CTNNA3: variants seen among roughly 807,000 people sequenced by gnomAD.
CTNNA3 encodes the protein catenin alpha-3.
CTNNA3 carries 76 observed loss-of-function variants against 95.7 expected under a neutral mutation model. The observed-to-expected ratio is 0.79, with a 90% CI of 0.66 to 0.96. CTNNA3 has a LOEUF of 0.96. CTNNA3 is among the 40% of genes least tolerant of loss of function. The pLI is 0.00. For missense variants in CTNNA3, 1,191 were observed against 1,089.8 expected, an observed-to-expected ratio of 1.09 and a Z score of -1.31; for synonymous variants, 431 against 374.4, an observed-to-expected ratio of 1.15 and a Z score of -1.74.
chr10:66,418,718 G>A (rs548150054), intron 11 of CTNNA3, among the ~76,000 whole-genome samples: 1 of 152,068 alleles, frequency 6.6e-6, no homozygotes, highest in African/African-American at 2.4e-5. Flanking sequence ...ACACAAGGAT[G>A]TTCAAGATAT....
At chr10:67,229,736 T>G (rs1310183002) in intron 5 of CTNNA3, among the ~76,000 whole-genome samples, 2 of 151,654 alleles carry the variant, frequency 1.3e-5, no homozygotes, top group Non-Finnish European at 2.9e-5. Context: ...AAAAATAAAA[T>G]AAAATAAAAT....
intron 7 of CTNNA3, among the ~76,000 whole-genome samples, chr10:66,845,723 A>AC (rs1564719878): frequency 3.5e-5 from 3 of 86,412 alleles, no homozygotes; most frequent in Non-Finnish European, 5.3e-5. Context: ...AAAAAAAAAA[A>AC]AAAAAACTAA....
chr10:66,233,535 A>C (rs1262707427), intron 13 of CTNNA3, among the ~76,000 whole-genome samples: 1 of 152,162 alleles, frequency 6.6e-6, no homozygotes, highest in African/African-American at 2.4e-5. Context: ...CAAAATAGAA[A>C]TTTACATGAT....
At chr10:66,406,579 C>G (rs16923011) in intron 11 of CTNNA3, among the ~76,000 whole-genome samples, 19,638 of 152,054 alleles carry the variant, frequency 0.13, 1,694 homozygotes, top group African/African-American at 0.24. Context: ...CCAAGGAATT[C>G]TTCATATATT....
chr10:67,054,116 T>C (rs1259534156), intron 7 of CTNNA3, among the ~76,000 whole-genome samples: 5 of 152,142 alleles, frequency 3.3e-5, no homozygotes, highest in Non-Finnish European at 7.4e-5. Context: ...ATCGCTCCTT[T>C]ATAATTCCAC....
At chr10:66,199,585 A>T (rs188817131) in intron 13 of CTNNA3, among the ~76,000 whole-genome samples, 71 of 150,350 alleles carry the variant, frequency 4.7e-4, no homozygotes, top group African/African-American at 1.4e-3. Flanking sequence ...CAGACCAAAT[A>T]GTTTGTTTGT....
chr10:67,748,065 A>C (rs894715243), intron 1 of CTNNA3, among the ~76,000 whole-genome samples: 1 of 152,208 alleles, frequency 6.6e-6, no homozygotes, highest in South Asian at 2.1e-4. Flanking sequence ...AAAGAGAATG[A>C]AAAGGAACAA....
chr10:66,683,534 T>C (rs1847141757), intron 9 of CTNNA3, among the ~76,000 whole-genome samples: 1 of 152,142 alleles, frequency 6.6e-6, no homozygotes, highest in East Asian at 1.9e-4. Flanking sequence ...GCTTCAGTAG[T>C]AGCAAAGTGA....
intron 7 of CTNNA3, among the ~76,000 whole-genome samples, chr10:67,078,547 C>T (rs574651897): frequency 5.3e-4 from 81 of 152,010 alleles, no homozygotes; most frequent in Middle Eastern, 6.8e-3. Flanking sequence ...GAAGGAGTCT[C>T]GCTCTGTCGC....
chr10:67,257,211 G>T (rs1866388393), intron 5 of CTNNA3, among the ~76,000 whole-genome samples: 1 of 152,168 alleles, frequency 6.6e-6, no homozygotes. Flanking sequence ...AGAGATAATT[G>T]CATAGCTATA....
chr10:67,154,149 A>G (rs145451088), intron 7 of CTNNA3, among the ~76,000 whole-genome samples: 4,611 of 152,278 alleles, frequency 0.03, 135 homozygotes, highest in South Asian at 0.1. Flanking sequence ...GCCTATACAT[A>G]TTATAAGTTA....
chr10:66,254,771 T>G (rs1205435285), intron 13 of CTNNA3, among the ~76,000 whole-genome samples: 1 of 152,222 alleles, frequency 6.6e-6, no homozygotes, highest in African/African-American at 2.4e-5. Flanking sequence ...ACCAATGATC[T>G]TTGGCTGAGG....
intron 11 of CTNNA3, among the ~76,000 whole-genome samples, chr10:66,382,374 G>A (rs905287949): frequency 6.6e-6 from 1 of 152,154 alleles, no homozygotes; most frequent in Non-Finnish European, 1.5e-5. Flanking sequence ...AGCCTGGCTG[G>A]GGAAGGGGAA....
intron 15 of CTNNA3, among the ~76,000 whole-genome samples, chr10:66,021,476 T>C (rs2079206286): frequency 1.0e-5 from 1 of 96,354 alleles, no homozygotes; most frequent in African/African-American, 3.6e-5. Flanking sequence ...TGCAAAGAAT[T>C]TACATTAAAA....
intron 12 of CTNNA3, among the ~76,000 whole-genome samples, chr10:66,321,221 A>G (rs2092180277): frequency 6.6e-6 from 1 of 151,796 alleles, no homozygotes; most frequent in Non-Finnish European, 1.5e-5. Flanking sequence ...TATAGATTTG[A>G]AAAAAAATAG....
intron 17 of CTNNA3, among the ~76,000 whole-genome samples, chr10:65,922,124 C>A (rs770551350): frequency 6.6e-6 from 1 of 152,102 alleles, no homozygotes; most frequent in African/African-American, 2.4e-5. Context: ...TTCTACCTTG[C>A]GTTTTTTCTC....
At chr10:66,360,668 T>TTTTCTTTCTTTCTTTCC in intron 12 of CTNNA3, among the ~76,000 whole-genome samples, 1 of 87,574 alleles carries the variant, frequency 1.1e-5, no homozygotes, top group Non-Finnish European at 2.7e-5. Context: ...TCTTCCTTCC[T>TTTTCTTTCTTTCTTTCC]TCCTTCCTTC....
At chr10:66,670,665 A>C (rs1177012786) in intron 9 of CTNNA3, among the ~76,000 whole-genome samples, 1 of 152,152 alleles carries the variant, frequency 6.6e-6, no homozygotes, top group Non-Finnish European at 1.5e-5. Flanking sequence ...ATCTAGGCTA[A>C]TCTCCTTTTT....
At chr10:67,245,554 T>C (rs912983483) in intron 5 of CTNNA3, among the ~76,000 whole-genome samples, 30 of 152,160 alleles carry the variant, frequency 2.0e-4, no homozygotes, top group African/African-American at 6.8e-4. Flanking sequence ...TCCTATCATA[T>C]GGCAATAAAA....
Sources: gnomAD v4.1 joint callset for allele counts (sites outside exome capture counted in the v4.1 genomes callset) on GRCh38, gnomAD v4.1.1 for gene constraint, MANE v1.5 for transcripts, NCBI Gene and HGNC (gene_info 2026-07-23, HGNC 2026-07-21) for gene names.